Variants in ZNF800 observed in about 807,000 individuals in gnomAD.
ZNF800 encodes zinc finger protein 800.
A neutral mutation model predicts 59.5 loss-of-function variants in ZNF800; 13 were observed. That is an observed-to-expected ratio of 0.22 (90% CI 0.14 to 0.35). ZNF800 has a LOEUF of 0.35. Ranked by LOEUF, ZNF800 falls within the 10% of genes least tolerant of loss-of-function variation. The pLI is 1.00. For synonymous variants in ZNF800, 266 were observed against 265.7 expected (o/e 1.00, Z -0.01); for missense variants, 621 against 783.7 (o/e 0.79, Z 2.48).
chr7:127,384,227 C>CT (rs577977623), intron 3 of ZNF800, among the ~76,000 whole-genome samples: 1,165 of 63,302 alleles, frequency 0.018, 177 homozygotes, highest in African/African-American at 0.072. Context: ...ATTCTAACTT[C>CT]TTTTTTTTTT....
chr7:127,352,774 C>T (rs1349532012), intron 1 of ZNF800, among the ~76,000 whole-genome samples: 2 of 152,102 alleles, frequency 1.3e-5, no homozygotes, highest in Non-Finnish European at 2.9e-5. Context: ...TCTGGATGAA[C>T]CAATAATCAG....
At chr7:127,348,320 C>A (rs1049744193) in intron 1 of ZNF800, among the ~76,000 whole-genome samples, 1 of 151,198 alleles carries the variant, frequency 6.6e-6, no homozygotes, top group African/African-American at 2.4e-5. Context: ...CCCAGAAAGT[C>A]TAGCTTGAGA....
chr7:127,356,710 G>A lies in ZNF800; in HGVS notation n.225-8667C>T, dbSNP rs144205767. 1.0e-3 allele frequency among the ~76,000 whole-genome samples: 155 copies of A among 151,936 alleles called. 2 individuals are homozygous for A. Among genetic ancestry groups the A allele is most frequent in the Admixed American group, 7.6e-3 (116 of 15,262 alleles). ...ATGCTAATACCCATCACTGATTAAAGTATAAATAACAAGAAAGAGAAACCA... is the reference window on the plus strand; with the variant it reads ...ATGCTAATACCCATCACTGATTAAAATATAAATAACAAGAAAGAGAAACCA... On this transcript the variant is annotated intron_variant and non_coding_transcript_variant, in intron 1 of 1. Coordinates refer to the ZNF800 transcript ENST00000485577.
chr7:127,379,832 T>TTCCCCCCCCCCCCCCCCCCCCCCC (rs1800903206), intron 3 of ZNF800, among the ~76,000 whole-genome samples: 1 of 54,388 alleles, frequency 1.8e-5, no homozygotes, highest in African/African-American at 7.4e-5. Context: ...CCCTTACCCT[T>TTCCCCCCCCCCCCCCCCCCCCCCC]GCCACCCCCC....
intron 1 of ZNF800, chr7:127,350,448 C>A (rs1262837648): frequency 1.3e-5 from 2 of 152,130 alleles, no homozygotes; most frequent in African/African-American, 2.4e-5. Flanking sequence ...GCAACATATA[C>A]TTCATCTTTG....
At chr7:127,381,960 C>A (rs180797949) in intron 3 of ZNF800, among the ~76,000 whole-genome samples, 1 of 151,582 alleles carries the variant, frequency 6.6e-6, no homozygotes, top group Non-Finnish European at 1.5e-5. Flanking sequence ...AATGACCAAA[C>A]CCAAATTTAG....
Position 127,370,451 on chromosome 7 carries a change from T to C in ZNF800, c.*1363A>G, listed in dbSNP as rs1038505971. The C allele has an allele frequency of 1.3e-5, 2 of 152,620 alleles. No individual in the cohort carries two copies. The highest frequency in any genetic ancestry group is 1.3e-4 in the Admixed American group (2 of 15,278). 9.5% of individuals were successfully genotyped at this position (152,620 alleles called of 1,614,324 possible). A position where few individuals can be genotyped will look rare whatever the true frequency, so the allele number is the denominator to read the frequency against. ...AATATAGAACATTTCCAGCAATAGTTACAGTCTTTCTAGTTTCCTTTCACA... is the reference window on the plus strand; with the variant it reads ...AATATAGAACATTTCCAGCAATAGTCACAGTCTTTCTAGTTTCCTTTCACA... On this transcript the variant is annotated 3_prime_UTR_variant, in exon 6 of 6. Transcript: ENST00000265827.
chr7:127,383,928 C>T (rs1029484532), intron 3 of ZNF800, among the ~76,000 whole-genome samples: 1 of 151,880 alleles, frequency 6.6e-6, no homozygotes, highest in South Asian at 2.1e-4. Context: ...TTAAAAAGAT[C>T]GCAGTTCAAA....
At chr7:127,371,858 T>A in intron 5 of ZNF800, 44 bp from the exon 6 acceptor site, 1 of 740,782 alleles carries the variant, frequency 1.3e-6, no homozygotes, top group Middle Eastern at 2.3e-4. Context: ...AGTTTACTAA[T>A]AAAACCTAGT....
At chr7:127,357,463 A>G (rs1334550081) in intron 1 of ZNF800, among the ~76,000 whole-genome samples, 1 of 152,078 alleles carries the variant, frequency 6.6e-6, no homozygotes, top group Non-Finnish European at 1.5e-5. Context: ...GTCAAATTCT[A>G]TCAGGATCTT....
chr7:127,375,062 C>A (rs775100011), intron 4 of ZNF800, 28 bp from the exon 5 acceptor site: 7 of 1,510,048 alleles, frequency 4.6e-6, no homozygotes, highest in Non-Finnish European at 6.2e-6. Context: ...ACATTTTAAT[C>A]TGAAGTAATT....
chr7:127,389,038 A>G, intron 2 of ZNF800, among the ~76,000 whole-genome samples: 1 of 152,180 alleles, frequency 6.6e-6, no homozygotes, highest in East Asian at 1.9e-4. Context: ...ACCCTTCCAA[A>G]AACACACTTC....
chr7:127,388,409 T>TA (rs1273727422), intron 2 of ZNF800, among the ~76,000 whole-genome samples: 4 of 151,962 alleles, frequency 2.6e-5, no homozygotes, highest in African/African-American at 9.7e-5. Flanking sequence ...GGTAACTACT[T>TA]ACAAAAAAAA....
Position 127,374,876 on chromosome 7 carries a change from T to C in ZNF800, c.460A>G (p.Ile154Val), listed in dbSNP as rs760536977. Reference sequence around the variant, plus strand: ...GTACTGCTTGACTCTGTGACTTCAATAGGATTATCAGTCCTCGAAATATAT... The same window carrying C: ...GTACTGCTTGACTCTGTGACTTCAACAGGATTATCAGTCCTCGAAATATAT... The part of the protein sequence containing the change: ...FQYISRTDNP[I>V]EVTESSSTPE... The change falls in exon 5 of 6, where the codon ATT becomes GTT. Residue 154 changes from isoleucine (I) to valine (V), a missense_variant. Transcript: ENST00000265827. The C allele has an allele frequency of 5.0e-6, 8 of 1,613,894 alleles. No individual in the cohort carries two copies. The highest frequency in any genetic ancestry group is 2.2e-5 in the South Asian group (2 of 91,074).
At chr7:127,369,709 C>G (rs1158350529), downstream of ZNF800, among the ~76,000 whole-genome samples, 1 of 152,024 alleles carries the variant, frequency 6.6e-6, no homozygotes, top group Non-Finnish European at 1.5e-5. Context: ...CCCTGGAACT[C>G]TCATTTATTT....
chr7:127,391,589 T>C lies in ZNF800; in HGVS notation c.-32A>G, dbSNP rs770009647. The C allele has an allele frequency of 1.0e-5, 16 of 1,605,732 alleles. No individual in the cohort carries two copies. In the South Asian group the frequency reaches 1.6e-4, roughly 17 times the overall value. On this transcript the variant is annotated 5_prime_UTR_variant, in exon 2 of 6. Coordinates refer to ENST00000265827, the MANE Select transcript of ZNF800 (RefSeq NM_176814.5). ...TGGACTCGACCTACTTTGCTTTCAC[T>C]GTAAGAAGCTCTTCATTGCGGCGTG...
downstream of ZNF800, among the ~76,000 whole-genome samples, chr7:127,345,305 C>CT (rs398006189): frequency 6.6e-6 from 1 of 150,822 alleles, no homozygotes; most frequent in African/African-American, 2.5e-5. Context: ...ACCCCCCCCC[C>CT]AAAGGTAAAT....
intron 1 of ZNF800, chr7:127,360,570 G>A (rs1398450691): frequency 1.3e-5 from 2 of 152,032 alleles, no homozygotes; most frequent in East Asian, 3.9e-4. Context: ...CTGGTTCTTT[G>A]CTGGAACAAA....
chr7:127,344,667 G>T (rs1208954018), downstream of ZNF800, among the ~76,000 whole-genome samples: 1 of 152,046 alleles, frequency 6.6e-6, no homozygotes, highest in Non-Finnish European at 1.5e-5. Flanking sequence ...AGGAATAGAG[G>T]ATATAAAAAA....
Sources: allele counts gnomAD v4.1 joint callset (sites outside exome capture counted in the v4.1 genomes callset), GRCh38; gene constraint gnomAD v4.1.1; transcripts MANE v1.5; gene names NCBI Gene and HGNC (gene_info 2026-07-23, HGNC 2026-07-21).